Variants in MRPL14 observed in about 807,000 individuals in gnomAD.
MRPL14 encodes the protein mitochondrial ribosomal protein L14, also known as large ribosomal subunit protein uL14m.
MRPL14 carries 8 observed loss-of-function variants against 10.9 expected under a neutral mutation model. The observed-to-expected ratio is 0.74, with a 90% CI of 0.43 to 1.33. The LOEUF is 1.33. MRPL14 is among the 40% of genes most tolerant of loss of function. MRPL14 has a pLI of 0.01. For synonymous variants in MRPL14, 82 were observed against 74.1 expected (o/e 1.11, Z -0.54); for missense variants, 179 against 194.5 (o/e 0.92, Z 0.47).
chr6:44,115,909 A>G (rs1209928480), intron 2 of MRPL14, among the ~76,000 whole-genome samples: 2 of 152,174 alleles, frequency 1.3e-5, no homozygotes, highest in Admixed American at 6.5e-5. Flanking sequence ...ACAATCCTCT[A>G]TTATAATATT....
chr6:44,127,017 G>A (rs1189472896), intron 1 of MRPL14: 1 of 152,238 alleles, frequency 6.6e-6, no homozygotes, highest in Admixed American at 6.5e-5. Flanking sequence ...AGTGACCAGC[G>A]ACGGCTGAAC....
Position 44,113,813 on chromosome 6 carries a change from G to C in MRPL14, c.*30C>G. On this transcript the variant is annotated 3_prime_UTR_variant, in exon 3 of 3. Transcript: ENST00000372014. ...TGGTTCTCAGAACTGCTCCATTCAC[G>C]AGTCCTGCAACCAGAGGCCTGGGCT... 1 of 1,527,000 alleles carries C rather than the reference G, an allele frequency of 6.5e-7. No individual in the cohort carries two copies. Among genetic ancestry groups the C allele is most frequent in the Non-Finnish European group, 8.8e-7 (1 of 1,135,880 alleles). The allele number at this position is 1,527,000 out of a possible 1,614,324, so 94.6% of individuals were successfully genotyped here.
chr6:44,113,730 CTG>C lies in MRPL14; in HGVS notation c.*111_*112del. ...ATTTATTCTCTCACAGGATACTACA[CTG>C]TTACCCAGTGTGAAGGGAGCAGCCA... On this transcript the variant is annotated 3_prime_UTR_variant, in exon 3 of 3. Coordinates refer to ENST00000372014, the MANE Select transcript of MRPL14 (RefSeq NM_032111.4). 9.0e-7 allele frequency: 1 copy of C among 1,116,778 alleles called. No homozygotes were observed. Among genetic ancestry groups the C allele is most frequent in the South Asian group, 1.7e-5 (1 of 58,818 alleles). 69.2% of individuals were successfully genotyped at this position (1,116,778 alleles called of 1,614,324 possible). A position where few individuals can be genotyped will look rare whatever the true frequency, so the allele number is the denominator to read the frequency against.
Position 44,114,145 on chromosome 6 carries a change from G to A in MRPL14, c.136C>T (p.Leu46=). ...TRVRVVDNSA[L]GNSPYHRAPR... ...GCCCGATGGTATGGGCTGTTCCCCAGGGCACTGTTGTCCACCACTCGTACC... is the reference window on the plus strand; with the variant it reads ...GCCCGATGGTATGGGCTGTTCCCCAAGGCACTGTTGTCCACCACTCGTACC... The change falls in exon 3 of 3, where the codon CTG becomes TTG. Residue 46 remains leucine, a synonymous_variant. Transcript: ENST00000372014. 2 of 1,614,134 alleles carry A rather than the reference G, an allele frequency of 1.2e-6. No individual in the cohort carries two copies. Among genetic ancestry groups the A allele is most frequent in the African/African-American group, 1.3e-5 (1 of 75,040 alleles).
At chr6:44,122,909 C>T (rs1038524145) in intron 1 of MRPL14, among the ~76,000 whole-genome samples, 1 of 152,248 alleles carries the variant, frequency 6.6e-6, no homozygotes, top group Non-Finnish European at 1.5e-5. Context: ...CCTCAGGTTT[C>T]TCCTCAATCA....
intron 2 of MRPL14, among the ~76,000 whole-genome samples, chr6:44,115,584 A>G (rs78042964): frequency 0.051 from 7,764 of 152,272 alleles, 434 homozygotes; most frequent in East Asian, 0.22. Flanking sequence ...CTGTGACATT[A>G]GTGTCCTAGT....
At chr6:44,118,132 C>G (rs1293121594) in intron 1 of MRPL14, among the ~76,000 whole-genome samples, 2 of 152,094 alleles carry the variant, frequency 1.3e-5, no homozygotes, top group African/African-American at 2.4e-5. Flanking sequence ...CTAATGTATG[C>G]AACTACTAAC....
intron 1 of MRPL14, among the ~76,000 whole-genome samples, chr6:44,117,747 C>A (rs973735888): frequency 6.6e-5 from 10 of 151,940 alleles, no homozygotes; most frequent in South Asian, 4.1e-4. Flanking sequence ...CACTGCAGTC[C>A]CGAACTCCCC....
intron 1 of MRPL14, among the ~76,000 whole-genome samples, chr6:44,122,079 T>TCC (rs564993984): frequency 6.8e-6 from 1 of 147,284 alleles, no homozygotes; most frequent in Non-Finnish European, 1.5e-5. Context: ...AGAGAGCTCT[T>TCC]CCCCCCCCTC....
In MRPL14 at chr6:44,122,611, C is replaced by T. The variant is rs941523166; in HGVS notation, c.-19+4733G>A. ...TTAAAGACCTTTCAAGGAAAATGGC[C>T]TCTAAGTAGTACTTAGATATGATAG... On this transcript the variant is annotated intron_variant, in intron 1 of 2. Transcript: ENST00000372014. 5.3e-4 allele frequency among the ~76,000 whole-genome samples: 80 copies of T among 152,126 alleles called. 1 individual carries two copies. Among genetic ancestry groups the T allele is most frequent in the Admixed American group, 5.1e-3 (78 of 15,264 alleles).
At chr6:44,122,708 G>A (rs550349076) in intron 1 of MRPL14, among the ~76,000 whole-genome samples, 2 of 98,946 alleles carry the variant, frequency 2.0e-5, no homozygotes, top group South Asian at 2.9e-4. Flanking sequence ...AGTATGTAAC[G>A]GACGGGAAAA....
chr6:44,113,995 T>C lies in MRPL14; in HGVS notation c.286A>G (p.Met96Val). Reference protein sequence around the residue: ...IVGHCMPGPRMTPRFDSNNVV... With the variant: ...IVGHCMPGPRVTPRFDSNNVV... ...TTGTTGGAGTCGAATCTGGGGGTCA[T>C]TCGGGGGCCAGGCATGCAGTGCCCC... Residue 96 changes from methionine (M) to valine (V), a missense_variant, in exon 3 of 3, where the codon ATG (methionine) becomes GTG (valine). Physicochemically the swap from Met to Val is conservative, Grantham distance 21. Coordinates refer to ENST00000372014, the MANE Select transcript of MRPL14 (RefSeq NM_032111.4). 1 of 1,614,140 alleles carries C rather than the reference T, an allele frequency of 6.2e-7. No homozygotes were observed. Among genetic ancestry groups the C allele is most frequent in the South Asian group, 1.1e-5 (1 of 91,090 alleles).
chr6:44,114,925 T>C (rs192104139), intron 2 of MRPL14, among the ~76,000 whole-genome samples: 58 of 152,302 alleles, frequency 3.8e-4, no homozygotes, highest in Non-Finnish European at 8.2e-4. Context: ...TTTTCTTATT[T>C]ACATGTTGCT....
At chr6:44,120,297 T>C (rs1776275090) in intron 1 of MRPL14, among the ~76,000 whole-genome samples, 1 of 152,204 alleles carries the variant, frequency 6.6e-6, no homozygotes, top group South Asian at 2.1e-4. Context: ...TTGTATACTT[T>C]GAGATAAGTC....
intron 1 of MRPL14, 44 bp downstream of exon 1, chr6:44,127,300 G>A (rs997745856): frequency 6.6e-6 from 1 of 151,352 alleles, no homozygotes; most frequent in East Asian, 2.0e-4. Context: ...AAGAGGAGAA[G>A]GAGGGAATGA....
rs1439429360 is a variant in MRPL14 at position 44,117,839 on chromosome 6, T to TG, written c.-18-1211dup. Among the ~76,000 whole-genome samples, 770 of 114,992 alleles carry TG rather than the reference T, an allele frequency of 6.7e-3. 19 individuals are homozygous for TG. Among genetic ancestry groups the TG allele is most frequent in the African/African-American group, 0.026 (708 of 27,630 alleles). The allele number at this position is 114,992 out of a possible 152,430, so 75.4% of individuals were successfully genotyped here. On this transcript the variant is annotated intron_variant, in intron 1 of 2. Coordinates refer to ENST00000372014, the MANE Select transcript of MRPL14 (RefSeq NM_032111.4). ...ACCAGGACGCCTGGCTAATTTTTTGTGTTTTTTTTTTTTTTTTTTTTTTTT... is the reference window on the plus strand; with the variant it reads ...ACCAGGACGCCTGGCTAATTTTTTGTGGTTTTTTTTTTTTTTTTTTTTTTTT...
intron 1 of MRPL14, among the ~76,000 whole-genome samples, chr6:44,121,314 T>TA (rs1347872902): frequency 7.8e-6 from 1 of 128,748 alleles, no homozygotes; most frequent in East Asian, 2.3e-4. Context: ...ACCCTCCTGT[T>TA]TTAGAATATG....
chr6:44,116,558 C>G lies in MRPL14; in HGVS notation c.54G>C (p.Leu18=). 1 of 1,614,128 alleles carries G rather than the reference C, an allele frequency of 6.2e-7. No homozygotes were observed. Among genetic ancestry groups the G allele is most frequent in the South Asian group, 1.1e-5 (1 of 91,074 alleles). Residue 18 remains leucine, a synonymous_variant, in exon 2 of 3, where the codon CTG becomes CTC. Coordinates refer to ENST00000372014, the MANE Select transcript of MRPL14 (RefSeq NM_032111.4). ...AAAGTTACCTGAAACAGTGATGGCT[C>G]AGCACTCTGCTTACACAGGTGAAGG... ...WGPFTCVSRV[L]SHHCFSTTGS... is the part of the protein sequence containing the mutation.
At chr6:44,118,920 C>T (rs866107135) in intron 1 of MRPL14, among the ~76,000 whole-genome samples, 1 of 152,148 alleles carries the variant, frequency 6.6e-6, no homozygotes, top group African/African-American at 2.4e-5. Flanking sequence ...GCCGAGATCG[C>T]ATCATTGCAC....
Sources: allele counts gnomAD v4.1 joint callset (sites outside exome capture counted in the v4.1 genomes callset), GRCh38; gene constraint gnomAD v4.1.1; transcripts MANE v1.5; gene names NCBI Gene and HGNC (gene_info 2026-07-23, HGNC 2026-07-21).